Variants in PCDHGA10 observed in about 807,000 individuals in gnomAD.
PCDHGA10 encodes the protein protocadherin gamma-A10.
PCDHGA10 carries 42 observed loss-of-function variants against 59.5 expected under a neutral mutation model. The ratio of observed to expected loss-of-function variants is 0.71; its 90% CI spans 0.55 to 0.91. The LOEUF (loss-of-function observed/expected upper bound fraction) is 0.91, where lower values mean the gene tolerates loss of function less well. PCDHGA10 is among the 40% of genes least tolerant of loss of function. The pLI is 0.00. For synonymous variants in PCDHGA10, 511 were observed against 517.2 expected (o/e 0.99, Z 0.16); for missense variants, 1,111 against 1,198.2 (o/e 0.93, Z 1.07).
rs1437409726 is a variant in PCDHGA10, at chr5:141,471,036, C to T, written c.2437-23771C>T. Among the ~76,000 whole-genome samples the T allele has an allele frequency of 2.8e-5, 4 of 144,908 alleles. No homozygotes were observed. The South Asian group carries it at 6.5e-4, about 24-fold the overall frequency. ...CTGGTCAATCATTTTTATTAACAAG[C>T]CCAAGCCCTCTTTTTTTTTTTTTTT... On this transcript the variant is annotated intron_variant, in intron 1 of 3. Transcript: ENST00000398610.
At chr5:141,496,236 C>T (rs1290509264) in intron 2 of PCDHGA10, among the ~76,000 whole-genome samples, 7 of 152,138 alleles carry the variant, frequency 4.6e-5, no homozygotes, top group Middle Eastern at 3.2e-3. Flanking sequence ...GAACCCCCTG[C>T]GGGCTGAAGG....
At position 141,432,686 on chromosome 5, in the gene PCDHGA10, G is replaced by T. The variant is rs2097528577; in HGVS notation, c.2436+17075G>T. ...CAGAGACGCGCTCAAGCAGAGCCTC[G>T]TAGTGGCCGTCCAGGACCACGGCCA... On this transcript the variant is annotated intron_variant, in intron 1 of 3. Transcript: ENST00000398610. The surrounding 1 kb of genome is among the most constrained non-coding windows in gnomAD (Gnocchi z 6.0). 6.2e-7 allele frequency: 1 copy of T among 1,613,922 alleles called. No individual in the cohort carries two copies. Among genetic ancestry groups the T allele is most frequent in the Non-Finnish European group, 8.5e-7 (1 of 1,179,968 alleles).
At chr5:141,426,480 C>T (rs1379758117) in intron 1 of PCDHGA10, 4 of 325,590 alleles carry the variant, frequency 1.2e-5, no homozygotes, top group Non-Finnish European at 1.8e-5. Flanking sequence ...TGACCTGAAA[C>T]CTTAGAGTTA....
intron 1 of PCDHGA10, among the ~76,000 whole-genome samples, chr5:141,451,298 C>T (rs1221562397): frequency 6.6e-6 from 1 of 152,206 alleles, no homozygotes; most frequent in African/African-American, 2.4e-5. Context: ...CAAAGTCTTA[C>T]AAGGCAGCAA....
chr5:141,433,199 ATCT>A (rs1202688924), intron 1 of PCDHGA10: 4 of 1,579,570 alleles, frequency 2.5e-6, no homozygotes, highest in East Asian at 2.2e-5. Context: ...TTTATATCAA[ATCT>A]TCTTTCTTTT....
chr5:141,422,605 G>A (rs2096658595), intron 1 of PCDHGA10: 1 of 1,613,898 alleles, frequency 6.2e-7, no homozygotes, highest in Non-Finnish European at 8.5e-7. Flanking sequence ...CTCTTACTCT[G>A]CCTACATTCC....
chr5:141,495,921 T>C (rs959070876), intron 2 of PCDHGA10, among the ~76,000 whole-genome samples: 1 of 152,196 alleles, frequency 6.6e-6, no homozygotes, highest in Non-Finnish European at 1.5e-5. Context: ...TCTTTCTTTG[T>C]CTCTGTCTCT....
intron 1 of PCDHGA10, among the ~76,000 whole-genome samples, chr5:141,458,112 A>C (rs2098937913): frequency 6.6e-6 from 1 of 152,208 alleles, no homozygotes; most frequent in Non-Finnish European, 1.5e-5. Context: ...ATAGTCTCCA[A>C]ATTTTAGAGG....
Position 141,486,092 on chromosome 5 carries a change from C to G in PCDHGA10, c.2437-8715C>G. ...TACTGGAAAGCTTACTCTTTTGGGG[C>G]CCCTAGACTTTGAGAGTGAGAATTA... On this transcript the variant is annotated intron_variant, in intron 1 of 3. Transcript: ENST00000398610. The surrounding 1 kb of genome is among the most constrained non-coding windows in gnomAD (Gnocchi z 5.0). The G allele has an allele frequency of 6.2e-7, 1 of 1,614,148 alleles. No individual in the cohort carries two copies. Among genetic ancestry groups the G allele is most frequent in the South Asian group, 1.1e-5 (1 of 91,080 alleles).
chr5:141,420,337 A>G, intron 1 of PCDHGA10: 8 of 1,402,708 alleles, frequency 5.7e-6, no homozygotes, highest in Non-Finnish European at 7.6e-6. Flanking sequence ...ATTCCAATAT[A>G]GTGGTATTAT....
chr5:141,415,152 C>T lies in PCDHGA10; in HGVS notation c.1977C>T (p.Ser659=), dbSNP rs758450562. 6.2e-7 allele frequency: 1 copy of T among 1,613,812 alleles called. No individual in the cohort carries two copies. Among genetic ancestry groups the T allele is most frequent in the Admixed American group, 1.7e-5 (1 of 60,036 alleles). The change falls in exon 1 of 4, where the codon TCC becomes TCT. Residue 659 remains serine (S), a synonymous_variant. Coordinates refer to ENST00000398610, the MANE Select transcript of PCDHGA10 (RefSeq NM_018913.3). ...AVQDHGQPPL[S]ATVTLTVAVA... ...AGGACCACGGCCAGCCCCCTCTCTC[C>T]GCCACTGTCACGCTCACCGTGGCCG...
In PCDHGA10 at chr5:141,415,375, G is replaced by A. The variant is rs1453832867; in HGVS notation, c.2200G>A (p.Gly734Ser). 12 of 1,614,258 alleles carry A rather than the reference G, an allele frequency of 7.4e-6. No individual in the cohort carries two copies. Among genetic ancestry groups the A allele is most frequent in the South Asian group, 1.1e-5 (1 of 91,090 alleles). ...GTCACGCCTGCTGCAGGCTTCAGGA[G>A]GCGGCTTGACAGGTGTGTCCGGCTC... ...HKSRLLQASG[G>S]GLTGVSGSHF... The change falls in exon 1 of 4, where the codon GGC becomes AGC. Residue 734 changes from glycine (G) to serine (S), a missense_variant. By Grantham distance (56) the Gly-to-Ser change is moderately conservative. Transcript: ENST00000398610.
rs1031624761 is a variant in PCDHGA10 at position 141,433,138 on chromosome 5, G to A, written c.2436+17527G>A. The A allele has an allele frequency of 2.5e-6, 4 of 1,614,038 alleles. No individual in the cohort carries two copies. In the Admixed American group the frequency reaches 6.7e-5, roughly 27 times the overall value. On this transcript the variant is annotated intron_variant, in intron 1 of 3. Coordinates refer to ENST00000398610, the MANE Select transcript of PCDHGA10 (RefSeq NM_018913.3). ...TTGAAAAAAGCGAGCCCCTTTTGCT[G>A]TCAGGTGATTCGGTATTTTCTAAAG...
chr5:141,485,193 G>T lies in PCDHGA10; in HGVS notation c.2437-9614G>T. The T allele has an allele frequency of 6.2e-7, 1 of 1,613,988 alleles. No homozygotes were observed. Among genetic ancestry groups the T allele is most frequent in the Non-Finnish European group, 8.5e-7 (1 of 1,179,852 alleles). The stretch of plus-strand genomic sequence containing the variant: ...GCAGCAATGCTCCGCAAGGTGAGAA[G>T]CTGGACAGAAATCTGGCGGTGGGCT... On this transcript the variant is annotated intron_variant, in intron 1 of 3. Transcript: ENST00000398610. The surrounding 1 kb of genome is among the most constrained non-coding windows in gnomAD (Gnocchi z 5.7).
At position 141,489,760 on chromosome 5, in the gene PCDHGA10, C is replaced by A; in HGVS notation, c.2437-5047C>A. 1 of 1,614,086 alleles carries A rather than the reference C, an allele frequency of 6.2e-7. No individual in the cohort carries two copies. Among genetic ancestry groups the A allele is most frequent in the Non-Finnish European group, 8.5e-7 (1 of 1,179,970 alleles). On this transcript the variant is annotated intron_variant, in intron 1 of 3. Coordinates refer to ENST00000398610, the MANE Select transcript of PCDHGA10 (RefSeq NM_018913.3). This position sits in a 1 kb window ranked among gnomAD's most constrained non-coding sequence, Gnocchi z 4.5. ...TACTGTGAGCTTTTACACTCTAAGC[C>A]CCAACAGCCACTTCTCTCTGAATGT...
chr5:141,431,770 T>A lies in PCDHGA10; in HGVS notation c.2436+16159T>A, dbSNP rs748816389. 7 of 1,614,086 alleles carry A rather than the reference T, an allele frequency of 4.3e-6. No homozygotes were observed. The highest frequency in any genetic ancestry group is 1.3e-5 in the African/African-American group (1 of 74,938). ...CGCGAGCCAAAGTCCTGATCACTGT[T>A]CTGGACGTGAACGACAATGCCCCAG... On this transcript the variant is annotated intron_variant, in intron 1 of 3. Coordinates refer to ENST00000398610, the MANE Select transcript of PCDHGA10 (RefSeq NM_018913.3). This position sits in a 1 kb window ranked among gnomAD's most constrained non-coding sequence, Gnocchi z 4.8.
At chr5:141,483,637 G>A (rs1365525499) in intron 1 of PCDHGA10, among the ~76,000 whole-genome samples, 1 of 145,878 alleles carries the variant, frequency 6.9e-6, no homozygotes, top group South Asian at 2.1e-4. Flanking sequence ...AAGGTATAGA[G>A]GGGTGTGTGT....
chr5:141,490,380 T>C lies in PCDHGA10; in HGVS notation c.2437-4427T>C, dbSNP rs1246254637. 1 of 1,614,204 alleles carries C rather than the reference T, an allele frequency of 6.2e-7. No individual in the cohort carries two copies. ...TTAATGTGCGAGACCGGGACTCAGGTAGAAATGGTGAAGTGAGCCTTGATA... is the reference window on the plus strand; with the variant it reads ...TTAATGTGCGAGACCGGGACTCAGGCAGAAATGGTGAAGTGAGCCTTGATA... On this transcript the variant is annotated intron_variant, in intron 1 of 3. Coordinates refer to ENST00000398610, the MANE Select transcript of PCDHGA10 (RefSeq NM_018913.3). This position sits in a 1 kb window ranked among gnomAD's most constrained non-coding sequence, Gnocchi z 5.4.
At chr5:141,473,270 T>C (rs538574742) in intron 1 of PCDHGA10, among the ~76,000 whole-genome samples, 4 of 152,326 alleles carry the variant, frequency 2.6e-5, no homozygotes, top group African/African-American at 9.6e-5. Context: ...GTGTATGCTA[T>C]GATTATTTTA....
Sources: gnomAD v4.1 joint callset for allele counts (sites outside exome capture counted in the v4.1 genomes callset) on GRCh38, gnomAD v4.1.1 for gene constraint, Gnocchi (gnomAD v3.1) non-coding constraint, MANE v1.5 for transcripts, NCBI Gene and HGNC (gene_info 2026-07-23, HGNC 2026-07-21) for gene names.